The following TRMT11 variants were observed in gnomAD, a reference collection of about 807,000 sequenced individuals.
TRMT11 encodes tRNA methyltransferase 11.
In TRMT11, 53 loss-of-function variants were observed where a neutral mutation model predicts 62.8. The observed-to-expected ratio is 0.84, with a 90% CI of 0.68 to 1.06. The LOEUF (loss-of-function observed/expected upper bound fraction) is 1.06, where lower values mean the gene tolerates loss of function less well. Ranked by LOEUF, TRMT11 falls within the 50% of genes least tolerant of loss-of-function variation. TRMT11 has a pLI of 0.00. For synonymous variants in TRMT11, 188 were observed against 190.3 expected (o/e 0.99, Z 0.10); for missense variants, 556 against 553.4 (o/e 1.00, Z -0.05).
chr6:126,139,985 T>C (rs1777899229), intron 21 of TRMT11, among the ~76,000 whole-genome samples: 1 of 152,148 alleles, frequency 6.6e-6, no homozygotes, highest in Admixed American at 6.6e-5. Context: ...TTTTGCATTA[T>C]TCCTTACTTT....
chr6:126,259,611 G>A, the TRMT11 span, among the ~76,000 whole-genome samples: 12 of 152,274 alleles, frequency 7.9e-5, no homozygotes, highest in African/African-American at 2.9e-4. Flanking sequence ...CTTTATGATA[G>A]AATGATTTCT....
chr6:126,118,447 A>C (rs372490994), intron 21 of TRMT11, among the ~76,000 whole-genome samples: 1 of 152,136 alleles, frequency 6.6e-6, no homozygotes, highest in African/African-American at 2.4e-5. Flanking sequence ...ACAAGCAGGC[A>C]TGCGCAATTC....
At chr6:126,087,446 A>G (rs1454401943) in intron 17 of TRMT11, among the ~76,000 whole-genome samples, 1 of 152,248 alleles carries the variant, frequency 6.6e-6, no homozygotes, top group Non-Finnish European at 1.5e-5. Context: ...AAAGAACATT[A>G]GCCAAGAAAA....
intron 21 of TRMT11, among the ~76,000 whole-genome samples, chr6:126,116,915 T>G (rs1043602357): frequency 6.6e-6 from 1 of 152,092 alleles, no homozygotes; most frequent in African/African-American, 2.4e-5. Flanking sequence ...TAGCTCTCTT[T>G]TTGGAGATAT....
At chr6:125,992,745 C>G (rs1478989778) in intron 1 of TRMT11, among the ~76,000 whole-genome samples, 1 of 152,186 alleles carries the variant, frequency 6.6e-6, no homozygotes, top group African/African-American at 2.4e-5. Context: ...CATGATGTCT[C>G]CTATTCAGAT....
the TRMT11 span, among the ~76,000 whole-genome samples, chr6:126,250,057 C>T: frequency 6.6e-6 from 1 of 152,122 alleles, no homozygotes; most frequent in African/African-American, 2.4e-5. Context: ...CTTCGTTAAA[C>T]AATTTTCAAT....
At chr6:126,180,706 C>T (rs1324308251) in intron 1 of TRMT11, among the ~76,000 whole-genome samples, 1 of 152,150 alleles carries the variant, frequency 6.6e-6, no homozygotes, top group African/African-American at 2.4e-5. Context: ...ACGCATGTGG[C>T]AATATGAGCC....
At chr6:126,250,255 C>T in the TRMT11 span, among the ~76,000 whole-genome samples, 3 of 151,992 alleles carry the variant, frequency 2.0e-5, no homozygotes, top group African/African-American at 4.8e-5. Flanking sequence ...GTGTAATTTT[C>T]GTAGAGTGTA....
At chr6:126,034,792 A>T (rs1428735798) in intron 12 of TRMT11, among the ~76,000 whole-genome samples, 1 of 152,020 alleles carries the variant, frequency 6.6e-6, no homozygotes, top group Non-Finnish European at 1.5e-5. Flanking sequence ...GATGAGCTTG[A>T]GTTAATGGGG....
chr6:126,027,133 A>G (rs552101408), intron 12 of TRMT11, among the ~76,000 whole-genome samples: 46 of 152,278 alleles, frequency 3.0e-4, no homozygotes, highest in African/African-American at 1.1e-3. Flanking sequence ...TTGCTGTCCC[A>G]CTTAACACAA....
At chr6:126,256,145 C>T in the TRMT11 span, among the ~76,000 whole-genome samples, 1 of 152,164 alleles carries the variant, frequency 6.6e-6, no homozygotes, top group Non-Finnish European at 1.5e-5. Flanking sequence ...AGTTTCTCTC[C>T]ATGTGAGTGT....
At chr6:125,999,739 C>A in intron 7 of TRMT11, 126 bp downstream of exon 7, 1 of 725,108 alleles carries the variant, frequency 1.4e-6, no homozygotes, top group Non-Finnish European at 2.2e-6. Flanking sequence ...TAGTGGCCAA[C>A]AGACAACCAC....
intron 17 of TRMT11, among the ~76,000 whole-genome samples, chr6:126,076,492 C>T (rs1777028107): frequency 6.6e-6 from 1 of 152,200 alleles, no homozygotes; most frequent in Non-Finnish European, 1.5e-5. Flanking sequence ...ATCTTGACTT[C>T]CTCAATTATG....
chr6:126,111,149 C>T (rs1039234541), intron 17 of TRMT11, among the ~76,000 whole-genome samples: 1 of 151,946 alleles, frequency 6.6e-6, no homozygotes, highest in Admixed American at 6.6e-5. Context: ...TGGCTCAGAC[C>T]CCATGGGGTG....
At chr6:126,035,982 G>A (rs1775113912) in intron 12 of TRMT11, among the ~76,000 whole-genome samples, 1 of 152,094 alleles carries the variant, frequency 6.6e-6, no homozygotes, top group Non-Finnish European at 1.5e-5. Flanking sequence ...CACAGCTTAG[G>A]TCAGCTAGGC....
intron 1 of TRMT11, among the ~76,000 whole-genome samples, chr6:125,992,168 A>G (rs1360400710): frequency 1.3e-5 from 2 of 152,178 alleles, no homozygotes; most frequent in Non-Finnish European, 2.9e-5. Context: ...GGGTTATCAT[A>G]TTTATTCTCA....
intron 1 of TRMT11, among the ~76,000 whole-genome samples, chr6:126,185,572 A>G (rs1778517354): frequency 6.6e-6 from 1 of 152,042 alleles, no homozygotes; most frequent in South Asian, 2.1e-4. Context: ...TTTCTATCTA[A>G]TGTTCTTCTA....
At chr6:126,145,159 T>G (rs1777960150) in intron 21 of TRMT11, among the ~76,000 whole-genome samples, 1 of 152,194 alleles carries the variant, frequency 6.6e-6, no homozygotes, top group Non-Finnish European at 1.5e-5. Context: ...AGAAATGGTT[T>G]GATAAGGTCA....
chr6:126,144,589 C>A (rs757505093), intron 21 of TRMT11, among the ~76,000 whole-genome samples: 4 of 152,150 alleles, frequency 2.6e-5, no homozygotes, highest in African/African-American at 7.2e-5. Context: ...GCTTTGCAGA[C>A]AATGAATCAC....
Sources: allele counts gnomAD v4.1 joint callset (sites outside exome capture counted in the v4.1 genomes callset), GRCh38; gene constraint gnomAD v4.1.1; transcripts MANE v1.5; gene names NCBI Gene and HGNC (gene_info 2026-07-23, HGNC 2026-07-21).